The following CACNA1C variants were observed in gnomAD, a reference collection of about 807,000 sequenced individuals.
The protein encoded by CACNA1C is voltage-dependent L-type calcium channel subunit alpha-1C.
A neutral mutation model predicts 229.0 loss-of-function variants in CACNA1C; 30 were observed. The observed-to-expected ratio is 0.13, with a 90% CI of 0.10 to 0.18. CACNA1C has a LOEUF of 0.18. CACNA1C is among the 10% of genes least tolerant of loss of function. The probability of loss-of-function intolerance (pLI) is 1.00; values close to 1 mark genes in which losing one functional copy is unlikely to be tolerated. For synonymous variants in CACNA1C, 1,114 were observed against 1,132.5 expected (o/e 0.98, Z 0.33); for missense variants, 1,658 against 2,845.0 (o/e 0.58, Z 9.49).
intron 9 of CACNA1C, among the ~76,000 whole-genome samples, chr12:2,547,976 C>T (rs980150947): frequency 2.0e-5 from 3 of 152,112 alleles, no homozygotes; most frequent in Admixed American, 6.5e-5. Flanking sequence ...GCTCTGGGAA[C>T]GAAGTGTCAC....
intron 9 of CACNA1C, among the ~76,000 whole-genome samples, chr12:2,543,833 T>C (rs936042563): frequency 2.0e-5 from 3 of 152,178 alleles, no homozygotes; most frequent in Non-Finnish European, 4.4e-5. Flanking sequence ...ACTTCTGAAA[T>C]TGGACAACAT....
In CACNA1C at chr12:2,115,312, G is replaced by A. The variant is rs774165120; in HGVS notation, c.138G>A (p.Pro46=). 1.0e-5 allele frequency: 16 copies of A among 1,594,140 alleles called. No homozygotes were observed. The highest frequency in any genetic ancestry group is 1.6e-4 in the Middle Eastern group (1 of 6,064). ...AGLAPEHIPT[P]GAALSWQAAI... ...TGGCCCCTGAGCACATCCCCACCCC[G>A]GGGGCTGCCCTGTCGTGGCAGGCGG... Residue 46 remains proline (P), a synonymous_variant, in exon 2 of 47, where the codon CCG becomes CCA. Coordinates refer to ENST00000399655, the MANE Select transcript of CACNA1C (RefSeq NM_000719.7).
intron 9 of CACNA1C, among the ~76,000 whole-genome samples, chr12:2,522,725 TG>T (rs1164773816): frequency 6.6e-6 from 1 of 152,042 alleles, no homozygotes; most frequent in Non-Finnish European, 1.5e-5. Context: ...TCTCCTGGGC[TG>T]GGGGGCAGAG....
chr12:2,596,578 C>T (rs1483929096), intron 20 of CACNA1C, among the ~76,000 whole-genome samples: 1 of 152,216 alleles, frequency 6.6e-6, no homozygotes, highest in African/African-American at 2.4e-5. Context: ...ATACCCATGC[C>T]AAACCACTCT....
intron 3 of CACNA1C, among the ~76,000 whole-genome samples, chr12:2,268,757 CTGT>C (rs2083469496): frequency 6.6e-6 from 1 of 152,194 alleles, no homozygotes; most frequent in Non-Finnish European, 1.5e-5. Flanking sequence ...CCCCGGGAGA[CTGT>C]GGCTAGAAAC....
chr12:2,115,324 G>A lies in CACNA1C; in HGVS notation c.150G>A (p.Leu50=), dbSNP rs1383351740. The A allele has an allele frequency of 6.3e-6, 10 of 1,587,984 alleles. No individual in the cohort carries two copies. Among genetic ancestry groups the A allele is most frequent in the Non-Finnish European group, 7.7e-6 (9 of 1,170,166 alleles). Residue 50 remains leucine, a synonymous_variant, in exon 2 of 47, where the codon CTG becomes CTA. Coordinates refer to ENST00000399655, the MANE Select transcript of CACNA1C (RefSeq NM_000719.7). ...PEHIPTPGAA[L]SWQAAIDAAR... is the part of the protein sequence containing the mutation. ...ACATCCCCACCCCGGGGGCTGCCCTGTCGTGGCAGGCGGCCATCGACGCAG... is the reference window on the plus strand; with the variant it reads ...ACATCCCCACCCCGGGGGCTGCCCTATCGTGGCAGGCGGCCATCGACGCAG...
intron 3 of CACNA1C, among the ~76,000 whole-genome samples, chr12:2,402,783 C>G (rs1057219372): frequency 6.6e-6 from 1 of 152,168 alleles, no homozygotes; most frequent in African/African-American, 2.4e-5. Flanking sequence ...TCTGGTCTCA[C>G]GGTCAACAGG....
At chr12:2,301,695 A>G (rs998377328) in intron 3 of CACNA1C, among the ~76,000 whole-genome samples, 4 of 152,066 alleles carry the variant, frequency 2.6e-5, no homozygotes, top group Admixed American at 2.0e-4. Flanking sequence ...ACCCAGCCTG[A>G]TCTCCTTTGG....
intron 3 of CACNA1C, among the ~76,000 whole-genome samples, chr12:2,281,939 A>G (rs2091406679): frequency 6.6e-6 from 1 of 152,142 alleles, no homozygotes; most frequent in Non-Finnish European, 1.5e-5. Context: ...ATTGTCGAAC[A>G]GATCACTGGC....
intron 7 of CACNA1C, among the ~76,000 whole-genome samples, chr12:2,497,368 A>G (rs1012363825): frequency 7.2e-5 from 11 of 152,224 alleles, no homozygotes; most frequent in Non-Finnish European, 1.5e-4. Context: ...ACAGAATGAC[A>G]TGGCCACTGA....
intron 3 of CACNA1C, among the ~76,000 whole-genome samples, chr12:2,258,845 ATATT>A (rs1369025801): frequency 1.3e-5 from 2 of 152,226 alleles, no homozygotes; most frequent in African/African-American, 4.8e-5. Context: ...ATTAAAATGA[ATATT>A]TAAGTTTTCA....
chr12:2,631,438 T>C (rs1280982706), intron 29 of CACNA1C, among the ~76,000 whole-genome samples: 4 of 152,224 alleles, frequency 2.6e-5, no homozygotes, highest in Non-Finnish European at 5.9e-5. Context: ...AGTATTCATA[T>C]CGAGAGGGTC....
chr12:2,198,032 C>T (rs765271294), intron 3 of CACNA1C, among the ~76,000 whole-genome samples: 10 of 152,156 alleles, frequency 6.6e-5, no homozygotes, highest in Non-Finnish European at 1.2e-4. Context: ...GGAAGGCCCC[C>T]GTATGGAAAT....
chr12:2,156,017 CACAAGA>C (rs2095535898), intron 3 of CACNA1C, among the ~76,000 whole-genome samples: 1 of 152,090 alleles, frequency 6.6e-6, no homozygotes, highest in African/African-American at 2.4e-5. Flanking sequence ...GCAGCTTAGA[CACAAGA>C]ACAAGAGTGA....
chr12:2,124,708 G>T lies in CACNA1C; in HGVS notation c.477+4278G>T, dbSNP rs575439239. 2.0e-5 allele frequency among the ~76,000 whole-genome samples: 3 copies of T among 152,274 alleles called. No individual in the cohort carries two copies. The South Asian group carries it at 6.2e-4, about 32-fold the overall frequency. ...TTAGGAGGCAAGCTTGCCTGGACGG[G>T]TAACCAGTTGGATATCATGGGTGGC... On this transcript the variant is annotated intron_variant, in intron 3 of 46. Coordinates refer to ENST00000399655, the MANE Select transcript of CACNA1C (RefSeq NM_000719.7).
rs561106378 is a variant in CACNA1C, at chr12:2,181,780, C to G, written c.477+61350C>G. On this transcript the variant is annotated intron_variant, in intron 3 of 46. Transcript: ENST00000399655. The surrounding 1 kb of genome is among the most constrained non-coding windows in gnomAD (Gnocchi z 4.0). ...TGGGGTAGATATTACTGTTATTACC[C>G]TTTTATAGATGAGAACACTGGAGCT... is the stretch of plus-strand genomic sequence containing the variant. Among the ~76,000 whole-genome samples, 2 of 152,154 alleles carry G rather than the reference C, an allele frequency of 1.3e-5. No individual in the cohort carries two copies. Among genetic ancestry groups the G allele is most frequent in the South Asian group, 4.2e-4 (2 of 4,814 alleles).
rs755280013 is a variant in CACNA1C at position 2,688,619 on chromosome 12, G to A, written c.5957G>A (p.Ser1986Asn). 5.5e-5 allele frequency: 89 copies of A among 1,613,866 alleles called. No individual in the cohort carries two copies. Among genetic ancestry groups the A allele is most frequent in the Non-Finnish European group, 6.9e-5 (81 of 1,179,906 alleles). ...GAGTCCAGTGAGAAACTCAACAGCA[G>A]CTTCCCATCCATCCACTGCGGCTCC... ...GVESSEKLNS[S>N]FPSIHCGSWA... Residue 1986 changes from serine to asparagine, a missense_variant, in exon 46 of 47, where the codon AGC (serine) becomes AAC (asparagine). Transcript: ENST00000399655.
intron 3 of CACNA1C, among the ~76,000 whole-genome samples, chr12:2,296,843 A>G (rs1418143133): frequency 7.9e-5 from 12 of 152,224 alleles, no homozygotes; most frequent in Admixed American, 7.2e-4. Context: ...TCACCATTCT[A>G]GCTTTACTTT....
upstream of CACNA1C, among the ~76,000 whole-genome samples, chr12:2,052,207 T>C (rs2052400537): frequency 6.6e-6 from 1 of 152,154 alleles, no homozygotes; most frequent in Non-Finnish European, 1.5e-5. Context: ...GTAGAACACG[T>C]GCTCGGCTGC....
Sources: gnomAD v4.1 joint callset for allele counts (sites outside exome capture counted in the v4.1 genomes callset) on GRCh38, gnomAD v4.1.1 for gene constraint, Gnocchi (gnomAD v3.1) non-coding constraint, MANE v1.5 for transcripts, NCBI Gene and HGNC (gene_info 2026-07-23, HGNC 2026-07-21) for gene names.